The following PPP1R12B variants were observed in gnomAD, a reference collection of about 807,000 sequenced individuals.
PPP1R12B encodes the protein protein phosphatase 1 regulatory subunit 12B, also known as myosin phosphatase target subunit 2.
In PPP1R12B, 76 loss-of-function variants were observed where a neutral mutation model predicts 126.1. The ratio of observed to expected loss-of-function variants is 0.60; its 90% CI spans 0.50 to 0.73. The LOEUF (loss-of-function observed/expected upper bound fraction) is 0.73, where lower values mean the gene tolerates loss of function less well. Among genes scored for constraint, PPP1R12B ranks in the 30% least tolerant of loss-of-function variants. The pLI, the probability that PPP1R12B is intolerant of heterozygous loss-of-function variation, is 0.00. For missense variants in PPP1R12B, 1,052 were observed against 1,205.1 expected (o/e 0.87, Z 1.88); for synonymous variants, 356 against 434.7 (o/e 0.82, Z 2.25).
At chr1:202,379,193 G>A (rs909108830) in intron 1 of PPP1R12B, among the ~76,000 whole-genome samples, 1 of 152,104 alleles carries the variant, frequency 6.6e-6, no homozygotes, top group Non-Finnish European at 1.5e-5. Flanking sequence ...GAGCAAAATT[G>A]TTCTCATCCT....
chr1:202,415,162 G>A (rs1667906603), intron 1 of PPP1R12B, among the ~76,000 whole-genome samples: 1 of 151,882 alleles, frequency 6.6e-6, no homozygotes, highest in Non-Finnish European at 1.5e-5. Context: ...TTCTCACACA[G>A]AATATTAAAA....
At chr1:202,399,566 G>A (rs1462018517) in intron 1 of PPP1R12B, among the ~76,000 whole-genome samples, 1 of 150,008 alleles carries the variant, frequency 6.7e-6, no homozygotes, top group Non-Finnish European at 1.5e-5. Flanking sequence ...GCGCAATCTT[G>A]GCTCACTGCA....
At chr1:202,517,122 A>C (rs1304306685) in intron 18 of PPP1R12B, among the ~76,000 whole-genome samples, 1 of 152,254 alleles carries the variant, frequency 6.6e-6, no homozygotes, top group African/African-American at 2.4e-5. Flanking sequence ...CTTAGTTTTT[A>C]CAGAGTACAG....
chr1:202,523,305 G>A (rs1287741260), intron 18 of PPP1R12B, among the ~76,000 whole-genome samples: 1 of 152,228 alleles, frequency 6.6e-6, no homozygotes, highest in Non-Finnish European at 1.5e-5. Context: ...AGACACTGAT[G>A]CAATTTGGAA....
chr1:202,351,462 C>T (rs1440552718), intron 1 of PPP1R12B, among the ~76,000 whole-genome samples: 1 of 152,152 alleles, frequency 6.6e-6, no homozygotes. Flanking sequence ...TGGTCTCAAA[C>T]TCTTGGCCTC....
At chr1:202,445,434 A>G (rs1672107433) in intron 12 of PPP1R12B, among the ~76,000 whole-genome samples, 1 of 152,226 alleles carries the variant, frequency 6.6e-6, no homozygotes, top group Non-Finnish European at 1.5e-5. Flanking sequence ...GGGTATGTAT[A>G]ATTGTACTTG....
rs200915621 is a variant in PPP1R12B at position 202,348,904 on chromosome 1, G to A, written c.53G>A (p.Arg18Gln). 2.0e-5 allele frequency: 33 copies of A among 1,610,018 alleles called. No homozygotes were observed. The African/African-American group carries it at 3.3e-4, about 16-fold the overall frequency. ...AAGCGGGCAGAGTCGGCGCGAATGC[G>A]GCGGGCAGAGCAGCTTCGGCGCTGG... ...GGKRAESARMRRAEQLRRWRG... is the reference protein window; with the variant it reads ...GGKRAESARMQRAEQLRRWRG... The change falls in exon 1 of 24, where the codon CGG becomes CAG. Residue 18 changes from arginine to glutamine, a missense_variant. Transcript: ENST00000608999.
At position 202,586,987 on chromosome 1, in the gene PPP1R12B, T is replaced by A. The variant is rs1689853047; in HGVS notation, c.*6427T>A. The A allele has an allele frequency of 6.6e-6, 1 of 152,246 alleles. No individual in the cohort carries two copies. Among genetic ancestry groups the A allele is most frequent in the East Asian group, 1.9e-4 (1 of 5,198 alleles). 9.4% of individuals were successfully genotyped at this position (152,246 alleles called of 1,614,324 possible). ...ATGAAAACTCAGAAACCAATTTTAT[T>A]TATTAAATCATATCTTTTGTTTTTC... On this transcript the variant is annotated 3_prime_UTR_variant, in exon 24 of 24. Coordinates refer to ENST00000608999, the MANE Select transcript of PPP1R12B (RefSeq NM_002481.4).
chr1:202,491,548 A>T (rs981209438), intron 14 of PPP1R12B, among the ~76,000 whole-genome samples: 1 of 152,162 alleles, frequency 6.6e-6, no homozygotes, highest in Non-Finnish European at 1.5e-5. Flanking sequence ...AAATCAATAT[A>T]TATTTATTGA....
rs185150879 is a variant in PPP1R12B at position 202,549,443 on chromosome 1, G to A, written c.2491-9434G>A. ...ACCTTTTTTTTTTTTTTTTTGAGACGGAGTCTCGCTCTGTTGCCCAGGCTG... is the reference window on the plus strand; with the variant it reads ...ACCTTTTTTTTTTTTTTTTTGAGACAGAGTCTCGCTCTGTTGCCCAGGCTG... On this transcript the variant is annotated intron_variant, in intron 18 of 23. Coordinates refer to ENST00000608999, the MANE Select transcript of PPP1R12B (RefSeq NM_002481.4). Among the ~76,000 whole-genome samples, 380 of 143,818 alleles carry A rather than the reference G, an allele frequency of 2.6e-3. 2 individuals are homozygous for A. The highest frequency in any genetic ancestry group is 9.4e-3 in the African/African-American group (363 of 38,580). The allele number at this position is 143,818 out of a possible 152,430, so 94.4% of individuals were successfully genotyped here.
At chr1:202,364,833 C>T (rs1658893585) in intron 1 of PPP1R12B, among the ~76,000 whole-genome samples, 1 of 152,148 alleles carries the variant, frequency 6.6e-6, no homozygotes, top group Non-Finnish European at 1.5e-5. Flanking sequence ...GCCTCGGCCT[C>T]CCAAAGTGCT....
intron 23 of PPP1R12B, among the ~76,000 whole-genome samples, chr1:202,578,762 G>A (rs1045487022): frequency 2.6e-5 from 4 of 152,182 alleles, no homozygotes; most frequent in African/African-American, 7.2e-5. Flanking sequence ...CCTACCATAC[G>A]AGAGAGTAGG....
At chr1:202,463,071 C>G in intron 13 of PPP1R12B, 1 of 985,020 alleles carries the variant, frequency 1.0e-6, no homozygotes, top group Non-Finnish European at 1.2e-6. Context: ...TCAGCAAGTG[C>G]TGGGCCTGGA....
rs1225737540 is a variant in PPP1R12B at position 202,348,716 on chromosome 1, G to A, written c.-136G>A. 3 of 1,126,750 alleles carry A rather than the reference G, an allele frequency of 2.7e-6. No homozygotes were observed. The highest frequency in any genetic ancestry group is 2.9e-5 in the Admixed American group (1 of 33,906). 69.8% of individuals were successfully genotyped at this position (1,126,750 alleles called of 1,614,324 possible). On this transcript the variant is annotated 5_prime_UTR_variant, in exon 1 of 24. Transcript: ENST00000608999. ...GTGCGGGCGGTACTACTGGCGGGAGGAGTAAAGATGGCGGCGCGAGGGTCT... is the reference window on the plus strand; with the variant it reads ...GTGCGGGCGGTACTACTGGCGGGAGAAGTAAAGATGGCGGCGCGAGGGTCT...
At chr1:202,450,855 C>T (rs1037071319) in intron 13 of PPP1R12B, among the ~76,000 whole-genome samples, 13 of 152,050 alleles carry the variant, frequency 8.5e-5, no homozygotes, top group African/African-American at 3.1e-4. Flanking sequence ...TTTTGTAGTT[C>T]CATATGAATT....
chr1:202,470,617 G>A (rs2148788830), intron 13 of PPP1R12B, among the ~76,000 whole-genome samples: 1 of 152,188 alleles, frequency 6.6e-6, no homozygotes, highest in Non-Finnish European at 1.5e-5. Flanking sequence ...TTATTGGCCA[G>A]GTGCAGTGGC....
intron 9 of PPP1R12B, among the ~76,000 whole-genome samples, chr1:202,436,232 C>T (rs1209931347): frequency 6.6e-6 from 1 of 152,120 alleles, no homozygotes; most frequent in East Asian, 1.9e-4. Flanking sequence ...CACCATTGCA[C>T]TCCAGCCTGG....
rs1481220357 is a variant in PPP1R12B at position 202,591,223 on chromosome 1, T to C, written c.*10663T>C. The stretch of plus-strand genomic sequence containing the variant: ...TCTGTGTGCAACTTCTGTTGTGGTT[T>C]GTGCAGGGCAAGCCTGCCTCGCCAC... On this transcript the variant is annotated 3_prime_UTR_variant, in exon 24 of 24. Transcript: ENST00000608999. 2.0e-5 allele frequency: 3 copies of C among 152,390 alleles called. No individual in the cohort carries two copies. Among genetic ancestry groups the C allele is most frequent in the Non-Finnish European group, 4.4e-5 (3 of 68,150 alleles). The allele number at this position is 152,390 out of a possible 1,614,324, so 9.4% of individuals were successfully genotyped here.
intron 18 of PPP1R12B, among the ~76,000 whole-genome samples, chr1:202,525,960 G>C (rs1207544908): frequency 2.0e-5 from 3 of 152,250 alleles, no homozygotes; most frequent in Non-Finnish European, 4.4e-5. Context: ...CTCCCAGAGT[G>C]CTGGGATCAC....
Sources: gnomAD v4.1 joint callset for allele counts (sites outside exome capture counted in the v4.1 genomes callset) on GRCh38, gnomAD v4.1.1 for gene constraint, MANE v1.5 for transcripts, NCBI Gene and HGNC (gene_info 2026-07-23, HGNC 2026-07-21) for gene names.